CLPTM1: variants seen among roughly 807,000 people sequenced by gnomAD.
CLPTM1 encodes putative lipid scramblase CLPTM1.
A neutral mutation model predicts 77.3 loss-of-function variants in CLPTM1; 21 were observed. The observed-to-expected ratio is 0.27, with a 90% CI of 0.19 to 0.39. CLPTM1 has a LOEUF of 0.39. Ranked by LOEUF, CLPTM1 falls within the 10% of genes least tolerant of loss-of-function variation. CLPTM1 has a pLI of 1.00. For synonymous variants in CLPTM1, 373 were observed against 381.0 expected, an observed-to-expected ratio of 0.98 and a Z score of 0.24; for missense variants, 642 against 921.2, an observed-to-expected ratio of 0.70 and a Z score of 3.92.
Position 44,977,351 on chromosome 19 carries a change from G to T in CLPTM1, c.477G>T (p.Gln159His). Reference protein sequence around the residue: ...FAELDIPQSVQQNGSIYIHVY... With the variant: ...FAELDIPQSVHQNGSIYIHVY... Reference sequence around the variant, plus strand: ...CCTTCCGTCTTTTGCAGAGCGTCCAGCAGAACGGCTCCATCTACATCCACG... The same window carrying T: ...CCTTCCGTCTTTTGCAGAGCGTCCATCAGAACGGCTCCATCTACATCCACG... The change falls in exon 5 of 14, where the codon CAG becomes CAT. Residue 159 changes from glutamine to histidine, a missense_variant. Around this residue, in one of 2 missense-constraint regions of CLPTM1, gnomAD observed 521 missense variants for 800.4 expected, o/e 0.65. Transcript: ENST00000337392. 6.2e-7 allele frequency: 1 copy of T among 1,609,080 alleles called. No individual in the cohort carries two copies.
rs369945689 is a variant in CLPTM1, at chr19:44,988,052, A to G, written c.1039-28A>G. On this transcript the variant is annotated intron_variant, in intron 8 of 13. Transcript: ENST00000337392. ...AGTGAAGGTGCTCCTGGGTGGGGAC[A>G]GGCTGTGCTCACATGTGTCCCCTGC... 7.8e-6 allele frequency: 12 copies of G among 1,542,330 alleles called. No homozygotes were observed. The African/African-American group carries it at 1.4e-4, about 17-fold the overall frequency.
At chr19:44,966,831 A>ATCTC (rs372681795) in intron 2 of CLPTM1, among the ~76,000 whole-genome samples, 10 of 147,206 alleles carry the variant, frequency 6.8e-5, no homozygotes, top group African/African-American at 2.2e-4. Flanking sequence ...TAAGACCCCC[A>ATCTC]TCTCTCTCTC....
chr19:44,983,641 AAAAAG>A (rs1568387850), intron 5 of CLPTM1, among the ~76,000 whole-genome samples: 3 of 147,762 alleles, frequency 2.0e-5, no homozygotes, highest in Non-Finnish European at 4.5e-5. Flanking sequence ...AAAAAAAAAA[AAAAAG>A]AAAAGAAAAA....
chr19:44,973,857 G>A (rs1970763471), intron 3 of CLPTM1, among the ~76,000 whole-genome samples: 1 of 144,922 alleles, frequency 6.9e-6, no homozygotes, highest in African/African-American at 2.6e-5. Context: ...TCTGCCTCCC[G>A]GGCTCCAGTG....
At chr19:44,963,010 G>A (rs1232207565) in intron 2 of CLPTM1, among the ~76,000 whole-genome samples, 1 of 151,032 alleles carries the variant, frequency 6.6e-6, no homozygotes, top group Non-Finnish European at 1.5e-5. Context: ...GGGCAACAGA[G>A]AAAGACTCCG....
chr19:44,987,080 T>C, intron 7 of CLPTM1, 99 bp from the exon 8 acceptor site: 1 of 1,453,278 alleles, frequency 6.9e-7, no homozygotes. Flanking sequence ...CTCCAGTCTC[T>C]GTAGAGGGGC....
At position 44,987,263 on chromosome 19, in the gene CLPTM1, C is replaced by G; in HGVS notation, c.878C>G (p.Pro293Arg). ...TGGAACCTGCAGAAGGACTACTACC[C>G]CATCAACGAGAGCCTGGCCAGCCTG... is the stretch of plus-strand genomic sequence containing the variant. ...DYWNLQKDYY[P>R]INESLASLPL... is the part of the protein sequence containing the mutation. The change falls in exon 8 of 14, where the codon CCC becomes CGC. Residue 293 changes from proline (P) to arginine (R), a missense_variant. By Grantham distance (103) the Pro-to-Arg change is moderately radical. Transcript: ENST00000337392. 6.2e-7 allele frequency: 1 copy of G among 1,614,258 alleles called. No homozygotes were observed. Among genetic ancestry groups the G allele is most frequent in the Non-Finnish European group, 8.5e-7 (1 of 1,180,052 alleles).
intron 5 of CLPTM1, among the ~76,000 whole-genome samples, chr19:44,983,638 A>G (rs957164094): frequency 1.8e-4 from 26 of 148,382 alleles, no homozygotes; most frequent in African/African-American, 5.9e-4. Flanking sequence ...AAAAAAAAAA[A>G]AAAAAAAGAA....
At position 44,988,063 on chromosome 19, in the gene CLPTM1, A is replaced by T. The variant is rs543838157; in HGVS notation, c.1039-17A>T. ...TCCTGGGTGGGGACAGGCTGTGCTC[A>T]CATGTGTCCCCTGCAGGTGGCCCTG... is the stretch of plus-strand genomic sequence containing the variant. On this transcript the variant is annotated splice_polypyrimidine_tract_variant and intron_variant, in intron 8 of 13. Coordinates refer to ENST00000337392, the MANE Select transcript of CLPTM1 (RefSeq NM_001294.4). 23 of 1,585,402 alleles carry T rather than the reference A, an allele frequency of 1.5e-5. No homozygotes were observed. In the East Asian group the frequency reaches 1.8e-4, roughly 12 times the overall value.
At chr19:44,988,403 G>T (rs900509504) in intron 9 of CLPTM1, among the ~76,000 whole-genome samples, 1 of 152,234 alleles carries the variant, frequency 6.6e-6, no homozygotes, top group Non-Finnish European at 1.5e-5. Flanking sequence ...CGCTGGTGGG[G>T]CAGAGGCCAG....
At chr19:44,977,134 G>A (rs569446926) in intron 4 of CLPTM1, among the ~76,000 whole-genome samples, 83 of 152,224 alleles carry the variant, frequency 5.5e-4, no homozygotes, top group African/African-American at 1.8e-3. Flanking sequence ...GAGCTCACAC[G>A]GCCATGGCAG....
intron 9 of CLPTM1, among the ~76,000 whole-genome samples, chr19:44,988,448 C>T (rs1177841680): frequency 6.6e-6 from 1 of 152,262 alleles, no homozygotes; most frequent in African/African-American, 2.4e-5. Flanking sequence ...TGGGGAACTC[C>T]AGAGCCAAGA....
intron 1 of CLPTM1, chr19:44,955,738 G>T (rs1970453440): frequency 2.8e-6 from 1 of 362,044 alleles, no homozygotes; most frequent in Admixed American, 4.7e-5. Flanking sequence ...TCGGAGGGGC[G>T]CAGGCTTGTA....
chr19:44,993,184 GT>G lies in CLPTM1; in HGVS notation c.*288del. On this transcript the variant is annotated 3_prime_UTR_variant, in exon 14 of 14. Coordinates refer to ENST00000337392, the MANE Select transcript of CLPTM1 (RefSeq NM_001294.4). ...AAGCTGATGCAGCGTTGCCGAGGGG[GT>G]GGGTTGGGCGGGGGTGGGGCCGGGC... 1 of 544,212 alleles carries G rather than the reference GT, an allele frequency of 1.8e-6. No homozygotes were observed. 33.7% of individuals were successfully genotyped at this position (544,212 alleles called of 1,614,324 possible).
rs1247664207 is a variant in CLPTM1 at position 44,955,680 on chromosome 19, G to A, written c.72+213G>A. 9 of 413,766 alleles carry A rather than the reference G, an allele frequency of 2.2e-5. No homozygotes were observed. The Middle Eastern group carries it at 1.9e-3, about 85-fold the overall frequency. The allele number at this position is 413,766 out of a possible 1,614,324, so 25.6% of individuals were successfully genotyped here. On this transcript the variant is annotated intron_variant, in intron 1 of 13. Transcript: ENST00000337392. ...TGCGGGTCGGTTCCCCTGCACGCTC[G>A]AGCCGGGCGGCCACCAGGCTCATTG...
Position 44,990,661 on chromosome 19 carries a change from AGCTGGCCCCCGGG to A in CLPTM1, c.1323+78_1323+90del. 1 of 1,518,068 alleles carries A rather than the reference AGCTGGCCCCCGGG, an allele frequency of 6.6e-7. No homozygotes were observed. Among genetic ancestry groups the A allele is most frequent in the Non-Finnish European group, 9.0e-7 (1 of 1,105,268 alleles). 94.0% of individuals were successfully genotyped at this position (1,518,068 alleles called of 1,614,324 possible). A position where few individuals can be genotyped will look rare whatever the true frequency, so the allele number is the denominator to read the frequency against. On this transcript the variant is annotated intron_variant, in intron 10 of 13. Coordinates refer to ENST00000337392, the MANE Select transcript of CLPTM1 (RefSeq NM_001294.4). The surrounding 1 kb of genome is among the most constrained non-coding windows in gnomAD (Gnocchi z 4.8). Reference sequence around the variant, plus strand: ...GTAGTGTGGCCCAGCTGGACCCTGGAGCTGGCCCCCGGGGGATTCCCAGCAAGTGCCTCACTCC... The same window carrying A: ...GTAGTGTGGCCCAGCTGGACCCTGGAGGATTCCCAGCAAGTGCCTCACTCC...
chr19:44,967,358 G>GA (rs976564820), intron 2 of CLPTM1, among the ~76,000 whole-genome samples: 38 of 146,278 alleles, frequency 2.6e-4, no homozygotes, highest in African/African-American at 4.3e-4. Context: ...GTGAAACAGT[G>GA]AAAAAAAAAA....
Position 44,992,017 on chromosome 19 carries a change from T to G in CLPTM1, c.1556-216T>G, listed in dbSNP as rs1056785295. 2.0e-5 allele frequency among the ~76,000 whole-genome samples: 3 copies of G among 152,068 alleles called. No homozygotes were observed. Among genetic ancestry groups the G allele is most frequent in the Non-Finnish European group, 4.4e-5 (3 of 68,006 alleles). ...GGGGCCCCTCTGAGGACAGGACATTTAAACAGAGGCCTCAGATATCCAGGG... is the reference window on the plus strand; with the variant it reads ...GGGGCCCCTCTGAGGACAGGACATTGAAACAGAGGCCTCAGATATCCAGGG... On this transcript the variant is annotated intron_variant, in intron 12 of 13. Transcript: ENST00000337392. This position sits in a 1 kb window ranked among gnomAD's most constrained non-coding sequence, Gnocchi z 7.7.
chr19:44,986,744 A>C, intron 7 of CLPTM1, 169 bp downstream of exon 7: 1 of 838,890 alleles, frequency 1.2e-6, no homozygotes, highest in Non-Finnish European at 1.8e-6. Context: ...CCTCTCCCAC[A>C]CCACCACCCC....
Sources: gnomAD v4.1 joint callset for allele counts (sites outside exome capture counted in the v4.1 genomes callset) on GRCh38, gnomAD v4.1.1 for gene constraint, gnomAD v4.1.1 regional missense constraint, Gnocchi (gnomAD v3.1) non-coding constraint, MANE v1.5 for transcripts, NCBI Gene and HGNC (gene_info 2026-07-23, HGNC 2026-07-21) for gene names.